BRSK2: variants seen among roughly 807,000 people sequenced by gnomAD.
The protein encoded by BRSK2 is BR serine/threonine kinase 2.
BRSK2 carries 19 observed loss-of-function variants against 83.3 expected under a neutral mutation model. That is an observed-to-expected ratio of 0.23 (90% confidence interval 0.16 to 0.33). BRSK2 has a LOEUF of 0.33. Among genes scored for constraint, BRSK2 ranks in the 10% least tolerant of loss-of-function variants. The pLI is 1.00. For missense variants in BRSK2, 798 were observed against 1,042.3 expected (o/e 0.77, Z 3.23); for synonymous variants, 519 against 435.4 (o/e 1.19, Z -2.39).
Position 1,445,837 on chromosome 11 carries a change from C to T in BRSK2, c.1156C>T (p.Leu386Phe). The change falls in exon 12 of 20, where the codon CTC becomes TTC. Residue 386 changes from leucine to phenylalanine, a missense_variant. Physicochemically the swap from Leu to Phe is conservative, Grantham distance 22 (BLOSUM62 0). Around this residue, in one of 6 missense-constraint regions of BRSK2, gnomAD observed 51 missense variants for 52.6 expected, o/e 0.97. Coordinates refer to ENST00000528841, the MANE Select transcript of BRSK2 (RefSeq NM_001256627.2). The part of the protein sequence containing the change: ...RRPERKSMEV[L>F]SVTDGGSPVP... ...GCCAGAACGCAAATCCATGGAGGTG[C>T]TCAGCGTGACGGACGGCGGCTCCCC... The T allele has an allele frequency of 6.2e-7, 1 of 1,612,430 alleles. No individual in the cohort carries two copies. Among genetic ancestry groups the T allele is most frequent in the Non-Finnish European group, 8.5e-7 (1 of 1,179,710 alleles).
At chr11:1,426,852 T>G (rs1849292227) in intron 1 of BRSK2, among the ~76,000 whole-genome samples, 1 of 151,888 alleles carries the variant, frequency 6.6e-6, no homozygotes, top group African/African-American at 2.4e-5. Flanking sequence ...GGCCCTGTAG[T>G]GGCCAGCAGC....
chr11:1,404,432 C>T lies in BRSK2; in HGVS notation c.91+14057C>T, dbSNP rs573867757. ...CTCCCAGGACAGACGTCCCTTTGGC[C>T]GAGAGTTGCACCTGCCTCTGATCCT... On this transcript the variant is annotated intron_variant, in intron 1 of 19. Transcript: ENST00000528841. Among the ~76,000 whole-genome samples, 313 of 152,300 alleles carry T rather than the reference C, an allele frequency of 2.1e-3. 2 individuals are homozygous for T. The highest frequency in any genetic ancestry group is 7.9e-4 in the Non-Finnish European group (54 of 68,012).
chr11:1,416,964 G>T (rs1435855997), intron 1 of BRSK2, among the ~76,000 whole-genome samples: 1 of 152,150 alleles, frequency 6.6e-6, no homozygotes, highest in Non-Finnish European at 1.5e-5. Context: ...TTCGAGACCA[G>T]CCTGGCCAAC....
At position 1,461,209 on chromosome 11, in the gene BRSK2, C is replaced by A; in HGVS notation, c.*486C>A. The A allele has an allele frequency of 1.5e-6, 1 of 669,904 alleles. No homozygotes were observed. Among genetic ancestry groups the A allele is most frequent in the Non-Finnish European group, 2.4e-6 (1 of 414,126 alleles). The allele number at this position is 669,904 out of a possible 1,614,324, so 41.5% of individuals were successfully genotyped here. ...CCGACCCGGACTCCCGGTCACCTGA[C>A]CCCTCAGCAAGAACAGCCTGCCTGG... On this transcript the variant is annotated 3_prime_UTR_variant, in exon 20 of 20. Coordinates refer to ENST00000528841, the MANE Select transcript of BRSK2 (RefSeq NM_001256627.2).
At position 1,438,159 on chromosome 11, in the gene BRSK2, C is replaced by T. The variant is rs1243271276; in HGVS notation, c.187-147C>T. ...GCACCAAAGGCCCCTGCGTCCCCCA[C>T]AGCTGGCACCAAAGGCCCCTGCGAC... On this transcript the variant is annotated intron_variant, in intron 2 of 19. Transcript: ENST00000528841. The surrounding 1 kb of genome is among the most constrained non-coding windows in gnomAD (Gnocchi z 6.4). The T allele has an allele frequency of 7.9e-5, 44 of 558,024 alleles. 1 individual carries two copies. The East Asian group carries it at 1.4e-3, about 17-fold the overall frequency. 34.6% of individuals were successfully genotyped at this position (558,024 alleles called of 1,614,324 possible). A position where few individuals can be genotyped will look rare whatever the true frequency, so the allele number is the denominator to read the frequency against.
At chr11:1,444,650 C>T (rs931227603) in intron 8 of BRSK2, among the ~76,000 whole-genome samples, 2 of 151,992 alleles carry the variant, frequency 1.3e-5, no homozygotes, top group African/African-American at 2.4e-5. Flanking sequence ...CAGCTTCCCT[C>T]CCTCCCCCTC....
In BRSK2 at chr11:1,428,672, C is replaced by A. The variant is rs961462890; in HGVS notation, c.92-7368C>A. ...CCTTTTCTGGAGGCAGGATTGTGCTCTCCACACCTTTTGGCTCCTGTCATT... is the reference window on the plus strand; with the variant it reads ...CCTTTTCTGGAGGCAGGATTGTGCTATCCACACCTTTTGGCTCCTGTCATT... On this transcript the variant is annotated intron_variant, in intron 1 of 19. Coordinates refer to ENST00000528841, the MANE Select transcript of BRSK2 (RefSeq NM_001256627.2). Among the ~76,000 whole-genome samples the A allele has an allele frequency of 3.9e-5, 6 of 152,234 alleles. No homozygotes were observed. In the East Asian group the frequency reaches 1.2e-3, roughly 29 times the overall value.
chr11:1,458,757 A>C lies in BRSK2; in HGVS notation c.1940-435A>C, dbSNP rs554696385. On this transcript the variant is annotated intron_variant, in intron 18 of 19. Coordinates refer to ENST00000528841, the MANE Select transcript of BRSK2 (RefSeq NM_001256627.2). ...GGCCCAGCAGTAGGGAAGAGGGCCG[A>C]GGAAGAGGGTGCCTGCCTTGAGTTG... Among the ~76,000 whole-genome samples the C allele has an allele frequency of 2.2e-4, 34 of 152,226 alleles. No individual in the cohort carries two copies. In the East Asian group the frequency reaches 3.3e-3, roughly 15 times the overall value.
intron 1 of BRSK2, among the ~76,000 whole-genome samples, chr11:1,429,307 G>T (rs1293363467): frequency 9.1e-6 from 1 of 110,070 alleles, no homozygotes; most frequent in African/African-American, 5.1e-5. Flanking sequence ...TGTGTCCTGG[G>T]TGTGTGTGCG....
At chr11:1,460,305 C>A (rs1007013036) in intron 19 of BRSK2, among the ~76,000 whole-genome samples, 195 bp from the exon 20 acceptor site, 5 of 151,964 alleles carry the variant, frequency 3.3e-5, no homozygotes, top group African/African-American at 1.2e-4. Flanking sequence ...CGCCTGCCCA[C>A]CCTGCTTGCC....
In BRSK2 at chr11:1,459,258, C is replaced by T. The variant is rs762412857; in HGVS notation, c.1987+19C>T. On this transcript the variant is annotated intron_variant, in intron 19 of 19. Coordinates refer to ENST00000528841, the MANE Select transcript of BRSK2 (RefSeq NM_001256627.2). ...AAATGTGGTAAGAATCCCCCACGCT[C>T]ACCTGGCACCTCCACCTGCCACTTC... The T allele has an allele frequency of 6.2e-6, 10 of 1,612,716 alleles. No homozygotes were observed. Among genetic ancestry groups the T allele is most frequent in the Non-Finnish European group, 7.6e-6 (9 of 1,179,340 alleles).
rs192797440 is a variant in BRSK2, at chr11:1,448,221, G to A, written c.1227-1555G>A. Among the ~76,000 whole-genome samples the A allele has an allele frequency of 4.3e-3, 660 of 152,322 alleles. 5 individuals are homozygous for A. The highest frequency in any genetic ancestry group is 0.021 in the South Asian group (102 of 4,828). ...CCTGGGGCCGGCCAGAGTTGAAGCC[G>A]AGCAGCCGTCCTGTGCCCACCTGCA... On this transcript the variant is annotated intron_variant, in intron 12 of 19. Transcript: ENST00000528841.
At chr11:1,418,978 CTGAT>C (rs1260301930) in intron 1 of BRSK2, among the ~76,000 whole-genome samples, 11 of 152,360 alleles carry the variant, frequency 7.2e-5, no homozygotes, top group Non-Finnish European at 1.5e-4. Context: ...CAGTGAATAC[CTGAT>C]TGATTAATTG....
Position 1,443,035 on chromosome 11 carries a change from G to C in BRSK2, c.531-71G>C. 3 of 1,491,822 alleles carry C rather than the reference G, an allele frequency of 2.0e-6. 1 individual carries two copies. In the South Asian group the frequency reaches 3.8e-5, roughly 19 times the overall value. The allele number at this position is 1,491,822 out of a possible 1,614,324, so 92.4% of individuals were successfully genotyped here. A position where few individuals can be genotyped will look rare whatever the true frequency, so the allele number is the denominator to read the frequency against. On this transcript the variant is annotated intron_variant, in intron 5 of 19. Coordinates refer to ENST00000528841, the MANE Select transcript of BRSK2 (RefSeq NM_001256627.2). ...GAGGCCTCCTTGAGGGCCCTGCGGT[G>C]CACCATCACCCTGGGGGGAGGGCCT...
At chr11:1,457,409 C>T (rs1434089219) in intron 18 of BRSK2, among the ~76,000 whole-genome samples, 1 of 151,946 alleles carries the variant, frequency 6.6e-6, no homozygotes, top group South Asian at 2.1e-4. Context: ...TGGGCTCACA[C>T]AGGGGAGGGT....
chr11:1,449,114 C>T (rs999197876), intron 12 of BRSK2, among the ~76,000 whole-genome samples: 10 of 152,334 alleles, frequency 6.6e-5, no homozygotes, highest in Admixed American at 2.6e-4. Flanking sequence ...CTGGTCCCTG[C>T]ACGGGGGTGG....
In BRSK2 at chr11:1,418,069, G is replaced by T. The variant is rs541267034; in HGVS notation, c.92-17971G>T. On this transcript the variant is annotated intron_variant, in intron 1 of 19. Coordinates refer to ENST00000528841, the MANE Select transcript of BRSK2 (RefSeq NM_001256627.2). ...GTTCTCCTGTGTCCTGCTTCTGTTGGCTGTTTCTTCTCTTGAGAGTGGGTC... is the reference window on the plus strand; with the variant it reads ...GTTCTCCTGTGTCCTGCTTCTGTTGTCTGTTTCTTCTCTTGAGAGTGGGTC... Among the ~76,000 whole-genome samples the T allele has an allele frequency of 6.7e-3, 973 of 146,126 alleles. 12 individuals carry two copies. The highest frequency in any genetic ancestry group is 0.023 in the African/African-American group (896 of 38,610).
chr11:1,454,389 G>A lies in BRSK2; in HGVS notation c.1545-96G>A. The stretch of plus-strand genomic sequence containing the variant: ...ACAGCCGTTTCTATCACGAAGCGAT[G>A]GAAGATTCCGCCGTTCCAACCCCAG... On this transcript the variant is annotated intron_variant, in intron 15 of 19. Coordinates refer to ENST00000528841, the MANE Select transcript of BRSK2 (RefSeq NM_001256627.2). This position sits in a 1 kb window ranked among gnomAD's most constrained non-coding sequence, Gnocchi z 5.2. 7.0e-7 allele frequency: 1 copy of A among 1,429,962 alleles called. No individual in the cohort carries two copies. The highest frequency in any genetic ancestry group is 2.0e-4 in the Middle Eastern group (1 of 5,054). 88.6% of individuals were successfully genotyped at this position (1,429,962 alleles called of 1,614,324 possible).
intron 2 of BRSK2, 109 bp downstream of exon 2, chr11:1,436,243 G>A (rs1267370566): frequency 5.7e-6 from 2 of 352,528 alleles, no homozygotes; most frequent in Non-Finnish European, 1.0e-5. Flanking sequence ...TGCGGGTGGG[G>A]GGGCGGGCCC....
Sources: allele counts gnomAD v4.1 joint callset (sites outside exome capture counted in the v4.1 genomes callset), GRCh38; gene constraint gnomAD v4.1.1; regional missense constraint gnomAD v4.1.1; non-coding constraint Gnocchi (gnomAD v3.1); transcripts MANE v1.5; gene names NCBI Gene and HGNC (gene_info 2026-07-23, HGNC 2026-07-21).